CHODL: variants seen among roughly 807,000 people sequenced by gnomAD.
CHODL encodes the protein chondrolectin.
Under a neutral mutation model 34.5 loss-of-function variants are expected in CHODL, and 29 were observed. That is an observed-to-expected ratio of 0.84 (90% CI 0.63 to 1.15). The LOEUF (loss-of-function observed/expected upper bound fraction) is 1.15, where lower values mean the gene tolerates loss of function less well. CHODL is among the 50% of genes most tolerant of loss of function. The pLI, the probability that CHODL is intolerant of heterozygous loss-of-function variation, is 0.00. For synonymous variants in CHODL, 125 were observed against 116.1 expected (o/e 1.08, Z -0.49); for missense variants, 332 against 332.5 (o/e 1.00, Z 0.01).
chr21:18,096,592 G>T (rs1053319694), intron 2 of CHODL, among the ~76,000 whole-genome samples: 2 of 152,114 alleles, frequency 1.3e-5, no homozygotes, highest in Non-Finnish European at 2.9e-5. Context: ...CCTCAGGCTT[G>T]CTAGGATTAG....
At chr21:17,965,933 G>T (rs570556986) in intron 1 of CHODL, among the ~76,000 whole-genome samples, 6 of 125,586 alleles carry the variant, frequency 4.8e-5, no homozygotes. Context: ...TTTTTAAACA[G>T]GGGACTTATT....
At chr21:18,062,051 G>A (rs1029677201) in intron 2 of CHODL, among the ~76,000 whole-genome samples, 3 of 152,144 alleles carry the variant, frequency 2.0e-5, no homozygotes, top group Admixed American at 6.5e-5. Context: ...GACAAGGCAA[G>A]TGAAGTTGCC....
chr21:18,124,851 A>G (rs2146583184), intron 2 of CHODL, among the ~76,000 whole-genome samples: 2 of 152,382 alleles, frequency 1.3e-5, no homozygotes, highest in Middle Eastern at 6.8e-3. Flanking sequence ...AGTTCTCACA[A>G]TAAACTTATG....
At chr21:17,934,008 G>A (rs2063298700) in intron 1 of CHODL, among the ~76,000 whole-genome samples, 1 of 150,586 alleles carries the variant, frequency 6.6e-6, no homozygotes, top group African/African-American at 2.5e-5. Context: ...CTGCACTCCA[G>A]TCTAAGTAAC....
chr21:18,081,801 T>C (rs1485647181), intron 2 of CHODL, among the ~76,000 whole-genome samples: 1 of 152,184 alleles, frequency 6.6e-6, no homozygotes, highest in East Asian at 1.9e-4. Flanking sequence ...TGTCATATAT[T>C]GCCTTTTTTA....
At chr21:18,087,310 C>G (rs116318125) in intron 2 of CHODL, among the ~76,000 whole-genome samples, 4,726 of 152,086 alleles carry the variant, frequency 0.031, 242 homozygotes, top group African/African-American at 0.11. Context: ...ATAGGAGAGT[C>G]CACTTTCCTT....
At chr21:18,018,902 A>G (rs2064101274) in intron 1 of CHODL, among the ~76,000 whole-genome samples, 2 of 152,222 alleles carry the variant, frequency 1.3e-5, no homozygotes, top group African/African-American at 4.8e-5. Context: ...GTCAACGAAT[A>G]GGCACACACC....
intron 2 of CHODL, among the ~76,000 whole-genome samples, chr21:18,190,247 A>G (rs1341549706): frequency 1.3e-5 from 2 of 152,192 alleles, no homozygotes; most frequent in Non-Finnish European, 2.9e-5. Context: ...TGTACACACA[A>G]TCTTAGGAAT....
chr21:18,248,635 C>CATATATGTATATATTATATACAT lies in CHODL; in HGVS notation c.79+3345_79+3367dup, dbSNP rs1267614974. On this transcript the variant is annotated intron_variant, in intron 1 of 5. Coordinates refer to ENST00000299295, the MANE Select transcript of CHODL (RefSeq NM_024944.3). ...TAATACATATATAATATATATAATA[C>CATATATGTATATATTATATACAT]ATATATGTATATATTATATACATAT... is the stretch of plus-strand genomic sequence containing the variant. Among the ~76,000 whole-genome samples the CATATATGTATATATTATATACAT allele has an allele frequency of 1.2e-4, 15 of 121,030 alleles. 1 individual carries two copies. The highest frequency in any genetic ancestry group is 4.5e-4 in the African/African-American group (14 of 30,828). The allele number at this position is 121,030 out of a possible 152,430, so 79.4% of individuals were successfully genotyped here. A position where few individuals can be genotyped will look rare whatever the true frequency, so the allele number is the denominator to read the frequency against.
At position 18,257,060 on chromosome 21, in the gene CHODL, C is replaced by A. The variant is rs767282571; in HGVS notation, c.480C>A (p.Pro160=). The A allele has an allele frequency of 6.2e-7, 1 of 1,613,944 alleles. No individual in the cohort carries two copies. Among genetic ancestry groups the A allele is most frequent in the Non-Finnish European group, 8.5e-7 (1 of 1,179,902 alleles). Residue 160 remains proline (P), a synonymous_variant, in exon 3 of 6, where the codon CCC becomes CCA. Transcript: ENST00000299295. ...CTGCCAATCCTGGCCTTGGGGGTCC[C>A]TACCTTTACCAGTGGAATGATGACA... ...QPTANPGLGG[P]YLYQWNDDRC... is the part of the protein sequence containing the mutation.
chr21:18,107,511 G>C (rs949894320), intron 2 of CHODL, among the ~76,000 whole-genome samples: 2 of 152,208 alleles, frequency 1.3e-5, no homozygotes, highest in Non-Finnish European at 2.9e-5. Flanking sequence ...CAAGAACTTA[G>C]TCGCATCTGT....
chr21:18,192,837 G>T (rs1469570599), intron 2 of CHODL, among the ~76,000 whole-genome samples: 1 of 152,070 alleles, frequency 6.6e-6, no homozygotes, highest in Non-Finnish European at 1.5e-5. Flanking sequence ...CAAGCTAGTT[G>T]TTATGTTGTC....
chr21:18,135,762 C>G (rs183577642), intron 2 of CHODL, among the ~76,000 whole-genome samples: 3 of 152,156 alleles, frequency 2.0e-5, no homozygotes, highest in African/African-American at 4.8e-5. Context: ...TAATAGTACC[C>G]AAGCCATGGT....
intron 1 of CHODL, among the ~76,000 whole-genome samples, chr21:18,025,001 A>C (rs2064160811): frequency 6.6e-6 from 1 of 152,218 alleles, no homozygotes; most frequent in Admixed American, 6.5e-5. Context: ...CCTAGCCTGC[A>C]CACCAAAGTG....
chr21:18,194,971 A>G (rs2073565490), intron 2 of CHODL, among the ~76,000 whole-genome samples: 1 of 152,092 alleles, frequency 6.6e-6, no homozygotes, highest in Non-Finnish European at 1.5e-5. Flanking sequence ...GAGAAAACCT[A>G]AAATCTACTC....
At chr21:17,995,842 C>T (rs2063843957) in intron 1 of CHODL, among the ~76,000 whole-genome samples, 1 of 152,220 alleles carries the variant, frequency 6.6e-6, no homozygotes, top group Non-Finnish European at 1.5e-5. Context: ...CTTTCAACCT[C>T]TGGAGTAAAA....
chr21:18,219,639 G>A (rs937247215), intron 2 of CHODL, among the ~76,000 whole-genome samples: 23 of 152,180 alleles, frequency 1.5e-4, no homozygotes, highest in Admixed American at 1.4e-3. Flanking sequence ...ATAAGTTTAT[G>A]TCTTATTGTG....
At chr21:17,988,799 T>C (rs1276868826) in intron 1 of CHODL, among the ~76,000 whole-genome samples, 4 of 151,852 alleles carry the variant, frequency 2.6e-5, no homozygotes, top group African/African-American at 4.8e-5. Flanking sequence ...AGTCTGTCAT[T>C]GTTGGACATT....
intron 2 of CHODL, among the ~76,000 whole-genome samples, chr21:18,235,614 C>T (rs2074021700): frequency 6.6e-6 from 1 of 152,034 alleles, no homozygotes; most frequent in Non-Finnish European, 1.5e-5. Context: ...ATAATATGAT[C>T]AAATAATTTC....
Sources: allele counts gnomAD v4.1 joint callset (sites outside exome capture counted in the v4.1 genomes callset), GRCh38; gene constraint gnomAD v4.1.1; transcripts MANE v1.5; gene names NCBI Gene and HGNC (gene_info 2026-07-23, HGNC 2026-07-21).